CHD6: variants seen among roughly 807,000 people sequenced by gnomAD.
CHD6 encodes the protein ATP-dependent chromatin remodeler CHD6.
A neutral mutation model predicts 276.9 loss-of-function variants in CHD6; 50 were observed. The ratio of observed to expected loss-of-function variants is 0.18; its 90% confidence interval spans 0.14 to 0.23. The LOEUF (loss-of-function observed/expected upper bound fraction) is 0.23. Among genes scored for constraint, CHD6 ranks in the 10% least tolerant of loss-of-function variants. The pLI, the probability that CHD6 is intolerant of heterozygous loss-of-function variation, is 1.00. For missense variants in CHD6, 2,564 were observed against 3,365.8 expected (o/e 0.76, Z 5.89); for synonymous variants, 1,173 against 1,229.3 (o/e 0.95, Z 0.96).
chr20:41,437,003 C>A (rs542907622), intron 27 of CHD6, among the ~76,000 whole-genome samples: 6 of 152,020 alleles, frequency 3.9e-5, no homozygotes, highest in African/African-American at 1.4e-4. Flanking sequence ...GACGCCACTA[C>A]GAGGGGAAAC....
intron 2 of CHD6, among the ~76,000 whole-genome samples, chr20:41,538,868 C>G (rs147977643): frequency 7.2e-5 from 11 of 152,190 alleles, no homozygotes; most frequent in African/African-American, 2.7e-4. Context: ...CTACCCTTGA[C>G]CCTGCCTCCT....
intron 26 of CHD6, among the ~76,000 whole-genome samples, chr20:41,438,798 G>A (rs2047801545): frequency 6.6e-6 from 1 of 152,182 alleles, no homozygotes; most frequent in African/African-American, 2.4e-5. Flanking sequence ...GAATGAACAT[G>A]AGAATCACCA....
rs186464340 is a variant in CHD6, at chr20:41,486,214, T to C, written c.2001+1451A>G. ...ATCTGCCACATGCTGGGTTCAGCTT[T>C]TGCCCTTCTCTTGGTTCATACCTTG... On this transcript the variant is annotated intron_variant, in intron 14 of 36. Coordinates refer to ENST00000373233, the MANE Select transcript of CHD6 (RefSeq NM_032221.5). The C allele has an allele frequency of 3.9e-5, 6 of 152,300 alleles. No homozygotes were observed. The East Asian group carries it at 1.2e-3, about 29-fold the overall frequency. The allele number at this position is 152,300 out of a possible 1,614,324, so 9.4% of individuals were successfully genotyped here. A position where few individuals can be genotyped will look rare whatever the true frequency, so the allele number is the denominator to read the frequency against.
chr20:41,451,710 G>T, intron 22 of CHD6, 116 bp downstream of exon 22: 1 of 904,050 alleles, frequency 1.1e-6, no homozygotes, highest in Non-Finnish European at 1.8e-6. Flanking sequence ...GTAACATTCT[G>T]AAAAACACCC....
intron 19 of CHD6, 92 bp downstream of exon 19, chr20:41,455,708 C>T (rs146575702): frequency 1.1e-5 from 9 of 812,406 alleles, no homozygotes; most frequent in Non-Finnish European, 1.3e-5. Context: ...GATTTGCATT[C>T]AGAGAAACAG....
chr20:41,467,629 G>A (rs1002235980), intron 17 of CHD6, among the ~76,000 whole-genome samples: 2 of 151,078 alleles, frequency 1.3e-5, no homozygotes, highest in Non-Finnish European at 2.9e-5. Context: ...AGCACCTTGG[G>A]AGTCTGAGGC....
At chr20:41,609,031 T>G (rs1206013487) in intron 1 of CHD6, among the ~76,000 whole-genome samples, 1 of 152,230 alleles carries the variant, frequency 6.6e-6, no homozygotes, top group East Asian at 1.9e-4. Context: ...GTGGCAGTGA[T>G]GAGAACAAAC....
chr20:41,439,885 T>A, intron 26 of CHD6, 115 bp downstream of exon 26: 2 of 1,056,064 alleles, frequency 1.9e-6, no homozygotes, highest in Non-Finnish European at 2.8e-6. Context: ...TGTGGCAAGG[T>A]GTAGGGAGAT....
At chr20:41,548,719 G>A (rs564553102) in intron 2 of CHD6, among the ~76,000 whole-genome samples, 10 of 152,148 alleles carry the variant, frequency 6.6e-5, no homozygotes, top group South Asian at 4.2e-4. Flanking sequence ...CCTACAAAAT[G>A]GGAGAAAATT....
chr20:41,416,656 GGCTGGTTCGAGAACCAGCACT>G lies in CHD6; in HGVS notation c.6397_6417del (p.Ser2133_Ser2139del), dbSNP rs2047007253. 3.7e-6 allele frequency: 6 copies of G among 1,614,024 alleles called. No homozygotes were observed. Among genetic ancestry groups the G allele is most frequent in the African/African-American group, 2.7e-5 (2 of 75,026 alleles). On this transcript the variant is annotated inframe_deletion, in exon 33 of 37. Transcript: ENST00000373233. ...TGTTCTGCTGCTTCCGGCTCTGAGA[GGCTGGTTCGAGAACCAGCACT>G]GCTGGTTAATACCGGGGTGGGCAGT...
intron 3 of CHD6, among the ~76,000 whole-genome samples, chr20:41,517,757 C>T (rs746396293): frequency 9.8e-5 from 15 of 152,310 alleles, no homozygotes; most frequent in South Asian, 4.1e-4. Context: ...CAAATAATCC[C>T]CATATTCCAG....
intron 14 of CHD6, 65 bp downstream of exon 14, chr20:41,487,600 C>T: frequency 6.7e-7 from 1 of 1,488,632 alleles, no homozygotes; most frequent in Non-Finnish European, 9.1e-7. Context: ...CCCATAGCAT[C>T]CTGCTCTTTT....
chr20:41,557,281 T>C (rs1050087982), intron 1 of CHD6, among the ~76,000 whole-genome samples: 2 of 152,216 alleles, frequency 1.3e-5, no homozygotes, highest in Admixed American at 1.3e-4. Flanking sequence ...CACAAGAAGG[T>C]AAGCTGCTAA....
At chr20:41,603,661 T>C (rs536925569) in intron 1 of CHD6, among the ~76,000 whole-genome samples, 27 of 151,548 alleles carry the variant, frequency 1.8e-4, no homozygotes, top group Non-Finnish European at 3.1e-4. Flanking sequence ...AGCTCAGGAG[T>C]TGGAGACCAG....
chr20:41,534,944 G>T (rs2044793300), intron 2 of CHD6, among the ~76,000 whole-genome samples: 1 of 152,214 alleles, frequency 6.6e-6, no homozygotes, highest in South Asian at 2.1e-4. Flanking sequence ...CTCCTGTGAA[G>T]TGCAGAGCTG....
At chr20:41,499,478 G>A in intron 5 of CHD6, 121 bp from the exon 6 acceptor site, 4 of 746,194 alleles carry the variant, frequency 5.4e-6, no homozygotes, top group South Asian at 1.9e-5. Flanking sequence ...GAGTACCAAG[G>A]CCTCCCATCA....
chr20:41,614,331 TAAC>T (rs562061437), intron 1 of CHD6, among the ~76,000 whole-genome samples: 1 of 152,144 alleles, frequency 6.6e-6, no homozygotes, highest in South Asian at 2.1e-4. Flanking sequence ...TTGAAATAGA[TAAC>T]AAAAGCACCA....
intron 36 of CHD6, among the ~76,000 whole-genome samples, chr20:41,411,263 C>A (rs779216002): frequency 2.0e-5 from 3 of 151,700 alleles, no homozygotes; most frequent in East Asian, 3.9e-4. Flanking sequence ...ACTCTTTCTG[C>A]GAGAGGAGGA....
At chr20:41,448,484 T>A (rs2048136681) in intron 23 of CHD6, among the ~76,000 whole-genome samples, 1 of 152,260 alleles carries the variant, frequency 6.6e-6, no homozygotes, top group South Asian at 2.1e-4. Flanking sequence ...TCCAAGGGAA[T>A]GCATCAAACA....
Sources: allele counts gnomAD v4.1 joint callset (sites outside exome capture counted in the v4.1 genomes callset), GRCh38; gene constraint gnomAD v4.1.1; transcripts MANE v1.5; gene names NCBI Gene and HGNC (gene_info 2026-07-23, HGNC 2026-07-21).